The following NPTN variants were observed in gnomAD, a reference collection of about 807,000 sequenced individuals.
NPTN encodes the protein neuroplastin.
Under a neutral mutation model 42.7 loss-of-function variants are expected in NPTN, and 5 were observed. That is an observed-to-expected ratio of 0.12 (90% CI 0.06 to 0.25). The LOEUF (loss-of-function observed/expected upper bound fraction) is 0.25, where lower values mean the gene tolerates loss of function less well. Ranked by LOEUF, NPTN falls within the 10% of genes least tolerant of loss-of-function variation. NPTN has a pLI of 1.00. For synonymous variants in NPTN, 180 were observed against 201.9 expected (o/e 0.89, Z 0.92); for missense variants, 307 against 525.4 (o/e 0.58, Z 4.06).
At chr15:73,592,281 T>G in intron 2 of NPTN, 144 bp from the exon 3 acceptor site, 2 of 615,050 alleles carry the variant, frequency 3.3e-6, no homozygotes, top group Non-Finnish European at 5.4e-6. Context: ...CTTTACCACT[T>G]TGGAGGAAGT....
intron 1 of NPTN, among the ~76,000 whole-genome samples, chr15:73,612,052 G>C (rs1897609750): frequency 6.6e-6 from 1 of 152,050 alleles, no homozygotes; most frequent in Non-Finnish European, 1.5e-5. Flanking sequence ...AGCTACTTTT[G>C]AGCAAGCAAA....
chr15:73,568,622 A>C, intron 6 of NPTN: 1 of 985,484 alleles, frequency 1.0e-6, no homozygotes, highest in Non-Finnish European at 1.2e-6. Context: ...AGTACATGAA[A>C]TCCCAAAGAA....
intron 1 of NPTN, among the ~76,000 whole-genome samples, chr15:73,605,103 G>GGT (rs1897237072): frequency 1.4e-5 from 2 of 146,162 alleles, no homozygotes; most frequent in African/African-American, 5.5e-5. Context: ...GTCTCAAGGG[G>GGT]GGGGGGGGAA....
chr15:73,615,842 G>GC (rs908743623), intron 1 of NPTN, among the ~76,000 whole-genome samples: 1 of 151,746 alleles, frequency 6.6e-6, no homozygotes, highest in African/African-American at 2.4e-5. Flanking sequence ...AAAATGATAC[G>GC]CCCCTAAGAT....
At chr15:73,631,030 A>C (rs1050397711) in intron 1 of NPTN, among the ~76,000 whole-genome samples, 6 of 152,224 alleles carry the variant, frequency 3.9e-5, no homozygotes, top group African/African-American at 1.4e-4. Flanking sequence ...TTCAAGGGAA[A>C]GGCCGTTCTA....
Position 73,560,542 on chromosome 15 carries a change from C to A in NPTN, c.*521G>T, listed in dbSNP as rs1894600642. 6.6e-6 allele frequency: 1 copy of A among 151,846 alleles called. No individual in the cohort carries two copies. The highest frequency in any genetic ancestry group is 2.1e-4 in the South Asian group (1 of 4,818). The allele number at this position is 151,846 out of a possible 1,614,324, so 9.4% of individuals were successfully genotyped here. A position where few individuals can be genotyped will look rare whatever the true frequency, so the allele number is the denominator to read the frequency against. ...CACAATTTCCTCATCTGACAACATACAATAAGGAATGAATATCAGCAGCTT... is the reference window on the plus strand; with the variant it reads ...CACAATTTCCTCATCTGACAACATAAAATAAGGAATGAATATCAGCAGCTT... On this transcript the variant is annotated 3_prime_UTR_variant, in exon 9 of 9. Coordinates refer to ENST00000345330, the MANE Select transcript of NPTN (RefSeq NM_012428.4).
chr15:73,587,120 G>A (rs965562347), intron 4 of NPTN, among the ~76,000 whole-genome samples: 2 of 152,162 alleles, frequency 1.3e-5, no homozygotes, highest in Non-Finnish European at 1.5e-5. Flanking sequence ...AATCATACTT[G>A]TAAGGCACTG....
chr15:73,592,243 G>C, intron 2 of NPTN, 106 bp from the exon 3 acceptor site: 2 of 889,142 alleles, frequency 2.2e-6, no homozygotes, highest in Non-Finnish European at 3.4e-6. Flanking sequence ...AAAGAGGGAG[G>C]GCAGACAGGA....
At position 73,607,738 on chromosome 15, in the gene NPTN, A is replaced by C. The variant is rs1897356877; in HGVS notation, c.92-10369T>G. Among the ~76,000 whole-genome samples the C allele has an allele frequency of 2.0e-5, 3 of 152,350 alleles. 1 individual carries two copies. The highest frequency in any genetic ancestry group is 6.5e-5 in the Admixed American group (1 of 15,306). On this transcript the variant is annotated intron_variant, in intron 1 of 8. Coordinates refer to ENST00000345330, the MANE Select transcript of NPTN (RefSeq NM_012428.4). ...CACTGAGAACTTTGTCATTACATAC[A>C]AAAGGCAAAGCTTTCCTTAGATGAC...
chr15:73,595,138 AG>A (rs1896775554), intron 2 of NPTN, among the ~76,000 whole-genome samples: 1 of 152,160 alleles, frequency 6.6e-6, no homozygotes, highest in South Asian at 2.1e-4. Flanking sequence ...ATTGGTAGGT[AG>A]GTACCCCAAT....
chr15:73,619,914 G>A (rs1898052689), intron 1 of NPTN, among the ~76,000 whole-genome samples: 1 of 152,116 alleles, frequency 6.6e-6, no homozygotes. Flanking sequence ...GTACTGTACT[G>A]GGCATTGTAT....
At position 73,569,134 on chromosome 15, in the gene NPTN, C is replaced by T. The variant is rs780755559; in HGVS notation, c.1114+1016G>A. On this transcript the variant is annotated intron_variant, in intron 6 of 8. Transcript: ENST00000345330. The surrounding 1 kb of genome is among the most constrained non-coding windows in gnomAD (Gnocchi z 4.1). ...GGCTACCACTGAGCCCAGGGGCACACCCATCTGTCTAGTCTAGCCAGGGAC... is the reference window on the plus strand; with the variant it reads ...GGCTACCACTGAGCCCAGGGGCACATCCATCTGTCTAGTCTAGCCAGGGAC... 1.0e-5 allele frequency: 10 copies of T among 985,456 alleles called. No individual in the cohort carries two copies. Among genetic ancestry groups the T allele is most frequent in the African/African-American group, 1.7e-5 (1 of 57,250 alleles). The allele number at this position is 985,456 out of a possible 1,614,324, so 61.0% of individuals were successfully genotyped here.
chr15:73,563,618 T>C, intron 6 of NPTN: 1 of 1,044,480 alleles, frequency 9.6e-7, no homozygotes, highest in Non-Finnish European at 1.2e-6. Context: ...AACATTTCAG[T>C]TGTAAAATCC....
intron 3 of NPTN, among the ~76,000 whole-genome samples, chr15:73,588,706 G>A (rs941380276): frequency 2.0e-5 from 3 of 152,130 alleles, no homozygotes; most frequent in Non-Finnish European, 4.4e-5. Flanking sequence ...CTTGGCTTAC[G>A]TGTCAGTTTA....
At chr15:73,576,813 T>G (rs1051939215) in intron 4 of NPTN, among the ~76,000 whole-genome samples, 1 of 152,190 alleles carries the variant, frequency 6.6e-6, no homozygotes, top group African/African-American at 2.4e-5. Context: ...AAAGCCTAAG[T>G]GAAAAATAAC....
intron 2 of NPTN, among the ~76,000 whole-genome samples, chr15:73,595,420 G>T (rs977607150): frequency 6.6e-6 from 1 of 152,100 alleles, no homozygotes; most frequent in Non-Finnish European, 1.5e-5. Flanking sequence ...CCAGAAGCAG[G>T]TTCTTTGATT....
chr15:73,597,535 C>T lies in NPTN; in HGVS notation c.92-166G>A, dbSNP rs1386058664. Reference sequence around the variant, plus strand: ...ACTATAAAGAGACAGTACAGCAATTCATACAAGCTTTTAGAAGAAGAACCA... The same window carrying T: ...ACTATAAAGAGACAGTACAGCAATTTATACAAGCTTTTAGAAGAAGAACCA... On this transcript the variant is annotated intron_variant, in intron 1 of 8. Coordinates refer to ENST00000345330, the MANE Select transcript of NPTN (RefSeq NM_012428.4). The surrounding 1 kb of genome is among the most constrained non-coding windows in gnomAD (Gnocchi z 6.3). Among the ~76,000 whole-genome samples, 1 of 152,162 alleles carries T rather than the reference C, an allele frequency of 6.6e-6. No individual in the cohort carries two copies. The highest frequency in any genetic ancestry group is 1.5e-5 in the Non-Finnish European group (1 of 68,022).
chr15:73,575,214 C>T (rs915392059), intron 4 of NPTN, among the ~76,000 whole-genome samples: 2 of 152,126 alleles, frequency 1.3e-5, no homozygotes, highest in African/African-American at 4.8e-5. Flanking sequence ...AACTCCTGAC[C>T]TCAGGTGTTC....
At chr15:73,626,032 A>G (rs1898386425) in intron 1 of NPTN, among the ~76,000 whole-genome samples, 1 of 152,236 alleles carries the variant, frequency 6.6e-6, no homozygotes, top group South Asian at 2.1e-4. Flanking sequence ...GCCTTCTTCG[A>G]CTATAATGGA....
Sources: gnomAD v4.1 joint callset for allele counts (sites outside exome capture counted in the v4.1 genomes callset) on GRCh38, gnomAD v4.1.1 for gene constraint, Gnocchi (gnomAD v3.1) non-coding constraint, MANE v1.5 for transcripts, NCBI Gene and HGNC (gene_info 2026-07-23, HGNC 2026-07-21) for gene names.